Variants in FABP12 observed in about 807,000 individuals in gnomAD.
FABP12 encodes the protein fatty acid-binding protein 12.
Under a neutral mutation model 13.7 loss-of-function variants are expected in FABP12, and 19 were observed. The ratio of observed to expected loss-of-function variants is 1.39; its 90% CI spans 0.97 to 2.04. The LOEUF is 2.04. FABP12 is among the 30% of genes most tolerant of loss of function. The pLI, the probability that FABP12 is intolerant of heterozygous loss-of-function variation, is 0.00. For synonymous variants in FABP12, 61 were observed against 57.0 expected, an observed-to-expected ratio of 1.07 and a Z score of -0.32; for missense variants, 182 against 164.2, an observed-to-expected ratio of 1.11 and a Z score of -0.59.
At chr8:81,531,115 C>T (rs914506326) in intron 2 of FABP12, 128 bp downstream of exon 2, 5 of 677,888 alleles carry the variant, frequency 7.4e-6, no homozygotes, top group African/African-American at 7.4e-5. Context: ...GGTACTCAAT[C>T]AATATTTATT....
intron 1 of FABP12, among the ~76,000 whole-genome samples, chr8:81,576,832 G>A (rs978305141): frequency 2.0e-5 from 3 of 152,124 alleles, no homozygotes; most frequent in African/African-American, 7.2e-5. Context: ...AGGCCATCCA[G>A]GCAAATGCAG....
At chr8:81,537,231 A>G (rs1809244833), upstream of FABP12, among the ~76,000 whole-genome samples, 1 of 152,224 alleles carries the variant, frequency 6.6e-6, no homozygotes, top group Non-Finnish European at 1.5e-5. Flanking sequence ...TAAGTGCTGT[A>G]AGACAGAAAG....
chr8:81,537,406 TCTA>T, upstream of FABP12, among the ~76,000 whole-genome samples: 1 of 152,160 alleles, frequency 6.6e-6, no homozygotes, highest in South Asian at 2.1e-4. Context: ...ATAAAATTCT[TCTA>T]CTTTTTTTTT....
chr8:81,572,082 T>C (rs1301253440), intron 1 of FABP12, among the ~76,000 whole-genome samples: 1 of 152,058 alleles, frequency 6.6e-6, no homozygotes, highest in African/African-American at 2.4e-5. Context: ...TGCACCATAT[T>C]TGTAATCTTT....
chr8:81,578,461 A>C (rs1376497620), intron 1 of FABP12, among the ~76,000 whole-genome samples: 1 of 151,858 alleles, frequency 6.6e-6, no homozygotes, highest in Non-Finnish European at 1.5e-5. Flanking sequence ...TTTGCCTGAG[A>C]CAAAAGAATT....
chr8:81,547,771 C>G (rs894666789), intron 1 of FABP12, among the ~76,000 whole-genome samples: 1 of 152,138 alleles, frequency 6.6e-6, no homozygotes. Context: ...GATGAGAACA[C>G]CAACTTTTGA....
At chr8:81,585,183 A>C (rs1810223894) in intron 1 of FABP12, among the ~76,000 whole-genome samples, 1 of 152,072 alleles carries the variant, frequency 6.6e-6, no homozygotes, top group Non-Finnish European at 1.5e-5. Context: ...GCATCCCTTC[A>C]ATGTTTCTTC....
chr8:81,588,894 A>C (rs2130117619), intron 1 of FABP12, among the ~76,000 whole-genome samples: 1 of 152,316 alleles, frequency 6.6e-6, no homozygotes, highest in Non-Finnish European at 1.5e-5. Flanking sequence ...GGGGGCTGGC[A>C]GTGGATATGT....
chr8:81,554,962 C>G (rs1269626205), intron 1 of FABP12, among the ~76,000 whole-genome samples: 7 of 152,034 alleles, frequency 4.6e-5, no homozygotes, highest in African/African-American at 1.5e-4. Context: ...GACCTTCAGC[C>G]TAAATTCCTC....
chr8:81,537,488 C>T (rs774747837), upstream of FABP12, among the ~76,000 whole-genome samples: 1 of 151,850 alleles, frequency 6.6e-6, no homozygotes, highest in Non-Finnish European at 1.5e-5. Context: ...TAAAACCATT[C>T]TGTAAGGAAA....
chr8:81,557,879 T>C (rs1377407457), intron 1 of FABP12, among the ~76,000 whole-genome samples: 1 of 152,212 alleles, frequency 6.6e-6, no homozygotes, highest in African/African-American at 2.4e-5. Flanking sequence ...CAGATGACAT[T>C]CATTTTTCTC....
At chr8:81,525,804 A>C (rs565126101) in intron 4 of FABP12, 26 of 152,338 alleles carry the variant, frequency 1.7e-4, no homozygotes, top group African/African-American at 6.0e-4. Context: ...CTAAATGATA[A>C]TACTAGCTTA....
intron 1 of FABP12, among the ~76,000 whole-genome samples, chr8:81,560,583 C>T (rs1809706526): frequency 6.6e-6 from 1 of 152,206 alleles, no homozygotes; most frequent in African/African-American, 2.4e-5. Flanking sequence ...CAGAGGAACA[C>T]AACTTTGAAA....
At chr8:81,557,752 T>G (rs1444518634) in intron 1 of FABP12, among the ~76,000 whole-genome samples, 1 of 152,232 alleles carries the variant, frequency 6.6e-6, no homozygotes, top group Non-Finnish European at 1.5e-5. Context: ...ATAGCGAGTC[T>G]TTTAGTTTCT....
At chr8:81,544,786 G>A (rs944228297) in intron 1 of FABP12, among the ~76,000 whole-genome samples, 1 of 152,154 alleles carries the variant, frequency 6.6e-6, no homozygotes, top group African/African-American at 2.4e-5. Flanking sequence ...GGAGAGAGAA[G>A]TATGTAATCA....
At chr8:81,558,887 CAAAAAAAA>C (rs35682824) in intron 1 of FABP12, among the ~76,000 whole-genome samples, 27 of 67,562 alleles carry the variant, frequency 4.0e-4, no homozygotes, top group Middle Eastern at 0.01. Context: ...AAGGCTCCAT[CAAAAAAAA>C]AAAAAAAAAA....
At chr8:81,584,469 C>A (rs1481154988) in intron 1 of FABP12, among the ~76,000 whole-genome samples, 1 of 152,200 alleles carries the variant, frequency 6.6e-6, no homozygotes, top group Non-Finnish European at 1.5e-5. Context: ...ACAGTTTTTA[C>A]AACAGGCAAA....
intron 1 of FABP12, among the ~76,000 whole-genome samples, chr8:81,547,222 T>C (rs1370131169): frequency 6.6e-6 from 1 of 152,248 alleles, no homozygotes; most frequent in African/African-American, 2.4e-5. Context: ...CACCAAACTG[T>C]GTGTTTGTGT....
intron 1 of FABP12, among the ~76,000 whole-genome samples, chr8:81,565,254 C>T (rs1421213569): frequency 6.6e-6 from 1 of 151,960 alleles, no homozygotes; most frequent in African/African-American, 2.4e-5. Flanking sequence ...ATTCAGTGCC[C>T]CATATTCAGA....
Sources: allele counts gnomAD v4.1 joint callset (sites outside exome capture counted in the v4.1 genomes callset), GRCh38; gene constraint gnomAD v4.1.1; transcripts MANE v1.5; gene names NCBI Gene and HGNC (gene_info 2026-07-23, HGNC 2026-07-21).